PTPRO: variants seen among roughly 807,000 people sequenced by gnomAD.
PTPRO encodes the protein protein tyrosine phosphatase receptor type O.
PTPRO carries 62 observed loss-of-function variants against 145.2 expected under a neutral mutation model. That is an observed-to-expected ratio of 0.43 (90% CI 0.35 to 0.53). The LOEUF is 0.53. Ranked by LOEUF, PTPRO falls within the 20% of genes least tolerant of loss-of-function variation. The pLI is 0.01. For missense variants in PTPRO, 1,345 were observed against 1,482.7 expected (o/e 0.91, Z 1.53); for synonymous variants, 565 against 514.7 (o/e 1.10, Z -1.32).
chr12:15,554,022 C>T (rs1187071312), intron 15 of PTPRO, among the ~76,000 whole-genome samples: 2 of 152,168 alleles, frequency 1.3e-5, no homozygotes, highest in African/African-American at 4.8e-5. Context: ...TGAAGAAACC[C>T]TGTCTCTACT....
At chr12:15,365,461 G>A (rs766703566) in intron 1 of PTPRO, among the ~76,000 whole-genome samples, 2 of 151,812 alleles carry the variant, frequency 1.3e-5, no homozygotes, top group Non-Finnish European at 1.5e-5. Flanking sequence ...TCAATAAAGG[G>A]TATATTTTAT....
intron 1 of PTPRO, among the ~76,000 whole-genome samples, chr12:15,353,872 T>C (rs539265882): frequency 6.6e-6 from 1 of 152,330 alleles, no homozygotes; most frequent in South Asian, 2.1e-4. Flanking sequence ...TAAAGCCATG[T>C]TTCATCTCCG....
intron 13 of PTPRO, among the ~76,000 whole-genome samples, chr12:15,548,603 G>A (rs928027877): frequency 7.2e-5 from 11 of 151,816 alleles, no homozygotes; most frequent in Admixed American, 2.0e-4. Flanking sequence ...GAAGTTCATT[G>A]TAGCATTGTT....
intron 1 of PTPRO, among the ~76,000 whole-genome samples, chr12:15,440,592 G>A (rs1471690198): frequency 6.6e-6 from 1 of 152,114 alleles, no homozygotes; most frequent in Non-Finnish European, 1.5e-5. Flanking sequence ...CAGGTGCTGT[G>A]GCTCACACCT....
intron 1 of PTPRO, among the ~76,000 whole-genome samples, chr12:15,355,749 A>C (rs911278208): frequency 1.3e-5 from 2 of 152,200 alleles, no homozygotes; most frequent in East Asian, 3.8e-4. Flanking sequence ...AACTAAATTG[A>C]TAGGGTTAAA....
rs556233985 is a variant in PTPRO, at chr12:15,572,109, G to T, written c.2829+2611G>T. The stretch of plus-strand genomic sequence containing the variant: ...TACTAATTAACATTCTAAAAAATAT[G>T]TTTTTTTCTTAACCAATTGATATAT... On this transcript the variant is annotated intron_variant, in intron 19 of 26. Coordinates refer to ENST00000281171, the MANE Select transcript of PTPRO (RefSeq NM_030667.3). Among the ~76,000 whole-genome samples, 7 of 152,184 alleles carry T rather than the reference G, an allele frequency of 4.6e-5. No homozygotes were observed. The South Asian group carries it at 1.5e-3, about 32-fold the overall frequency.
chr12:15,535,209 TC>T (rs1367100456), intron 12 of PTPRO, among the ~76,000 whole-genome samples: 1 of 152,076 alleles, frequency 6.6e-6, no homozygotes, highest in African/African-American at 2.4e-5. Flanking sequence ...TTATTGGATA[TC>T]CCGGTGCAGA....
At chr12:15,442,850 A>G (rs1317747845) in intron 1 of PTPRO, among the ~76,000 whole-genome samples, 1 of 152,172 alleles carries the variant, frequency 6.6e-6, no homozygotes, top group Non-Finnish European at 1.5e-5. Context: ...AAAACATTCC[A>G]TGCTCATAGA....
chr12:15,491,387 T>A (rs577092564), intron 2 of PTPRO, among the ~76,000 whole-genome samples: 2 of 152,366 alleles, frequency 1.3e-5, no homozygotes, highest in Admixed American at 6.5e-5. Flanking sequence ...TAGCTACTTT[T>A]GTTTTCTTTA....
At chr12:15,348,569 T>TAACACAGTGAAACCCCGTCTCTACTAAA (rs1265425044) in intron 1 of PTPRO, 9 of 152,086 alleles carry the variant, frequency 5.9e-5, no homozygotes, top group Admixed American at 3.3e-4. Flanking sequence ...CCATCCTGGC[T>TAACACAGTGAAACCCCGTCTCTACTAAA]AACACAGTGA....
intron 1 of PTPRO, among the ~76,000 whole-genome samples, chr12:15,444,491 A>G (rs1166799601): frequency 6.6e-6 from 1 of 152,116 alleles, no homozygotes; most frequent in Non-Finnish European, 1.5e-5. Flanking sequence ...AAAACTAAAA[A>G]TTGAAAAAGA....
rs1226101336 is a variant in PTPRO, at chr12:15,468,692, A to G, written c.76-15282A>G. 2.6e-5 allele frequency among the ~76,000 whole-genome samples: 4 copies of G among 152,214 alleles called. No individual in the cohort carries two copies. The South Asian group carries it at 6.2e-4, about 24-fold the overall frequency. On this transcript the variant is annotated intron_variant, in intron 1 of 26. Transcript: ENST00000281171. ...TCCTCTCTCTCCACAGACTCAAAAC[A>G]CCACTAGAACAGAAACCAGATTTCT...
intron 13 of PTPRO, among the ~76,000 whole-genome samples, 189 bp from the exon 14 acceptor site, chr12:15,548,905 T>G (rs960700081): frequency 6.6e-6 from 1 of 152,130 alleles, no homozygotes; most frequent in Admixed American, 6.5e-5. Context: ...CATGGAATAA[T>G]GCTGCTTCCA....
intron 1 of PTPRO, among the ~76,000 whole-genome samples, chr12:15,462,454 C>T (rs1023691655): frequency 9.9e-5 from 15 of 152,068 alleles, no homozygotes; most frequent in African/African-American, 1.4e-4. Context: ...TCATCTTCAC[C>T]GTCACTGGTA....
intron 1 of PTPRO, among the ~76,000 whole-genome samples, chr12:15,445,501 T>C (rs1940878938): frequency 6.6e-6 from 1 of 152,084 alleles, no homozygotes; most frequent in Admixed American, 6.6e-5. Flanking sequence ...AGTGAAGTTC[T>C]TTGGTTCTTA....
intron 1 of PTPRO, among the ~76,000 whole-genome samples, chr12:15,465,139 A>G (rs745668332): frequency 1.2e-4 from 19 of 152,224 alleles, no homozygotes; most frequent in Admixed American, 3.3e-4. Flanking sequence ...ACTTGGTGCA[A>G]TAAGTTGAAT....
intron 17 of PTPRO, among the ~76,000 whole-genome samples, chr12:15,562,346 A>G (rs1021229096): frequency 2.6e-5 from 4 of 152,086 alleles, no homozygotes; most frequent in Admixed American, 6.6e-5. Flanking sequence ...AATCCTCCTA[A>G]TGATGTGTTT....
rs544329303 is a variant in PTPRO at position 15,386,795 on chromosome 12, T to C, written c.75+63994T>C. On this transcript the variant is annotated intron_variant, in intron 1 of 26. Transcript: ENST00000281171. ...CAGGTCATATGCTTAGTTCTGCTCA[T>C]GATAATGATGCTCAATAGTTAATTG... 4.6e-5 allele frequency among the ~76,000 whole-genome samples: 7 copies of C among 152,348 alleles called. No individual in the cohort carries two copies. In the South Asian group the frequency reaches 1.2e-3, roughly 27 times the overall value.
At chr12:15,340,243 G>A (rs1158884840) in intron 1 of PTPRO, among the ~76,000 whole-genome samples, 2 of 152,142 alleles carry the variant, frequency 1.3e-5, no homozygotes. Context: ...TTTGACCACA[G>A]AACTCTACAC....
Sources: allele counts gnomAD v4.1 joint callset (sites outside exome capture counted in the v4.1 genomes callset), GRCh38; gene constraint gnomAD v4.1.1; transcripts MANE v1.5; gene names NCBI Gene and HGNC (gene_info 2026-07-23, HGNC 2026-07-21).